Variants in LPXN observed in about 807,000 individuals in gnomAD.
LPXN encodes leupaxin.
Under a neutral mutation model 45.6 loss-of-function variants are expected in LPXN, and 28 were observed. The observed-to-expected ratio is 0.61, with a 90% confidence interval of 0.45 to 0.84. The LOEUF (loss-of-function observed/expected upper bound fraction) is 0.84, where lower values mean the gene tolerates loss of function less well. Ranked by LOEUF, LPXN falls within the 40% of genes least tolerant of loss-of-function variation. The pLI is 0.00. For synonymous variants in LPXN, 166 were observed against 169.9 expected, an observed-to-expected ratio of 0.98 and a Z score of 0.18; for missense variants, 459 against 475.0, an observed-to-expected ratio of 0.97 and a Z score of 0.31.
intron 1 of LPXN, among the ~76,000 whole-genome samples, chr11:58,572,067 T>G (rs1854720340): frequency 6.6e-6 from 1 of 152,210 alleles, no homozygotes; most frequent in Admixed American, 6.5e-5. Flanking sequence ...AAATTATGGC[T>G]CAATAATGCA....
upstream of LPXN, chr11:58,578,274 A>G (rs1353909173): frequency 8.6e-6 from 4 of 466,352 alleles, no homozygotes; most frequent in Non-Finnish European, 1.5e-5. Flanking sequence ...AAAAAGGTAA[A>G]CTCTAGACTG....
chr11:58,557,664 C>T (rs571357918), intron 3 of LPXN, among the ~76,000 whole-genome samples: 3 of 152,176 alleles, frequency 2.0e-5, no homozygotes, highest in South Asian at 2.1e-4. Context: ...GAAATTGTAT[C>T]GTATTTAGGA....
upstream of LPXN, chr11:58,577,970 A>G: frequency 6.5e-7 from 1 of 1,547,832 alleles, no homozygotes; most frequent in Non-Finnish European, 8.7e-7. Context: ...CCATGGAACC[A>G]GATTTAGTCG....
At chr11:58,572,446 G>A (rs1258037893) in intron 1 of LPXN, among the ~76,000 whole-genome samples, 1 of 151,992 alleles carries the variant, frequency 6.6e-6, no homozygotes, top group African/African-American at 2.4e-5. Flanking sequence ...GGGACCCTAT[G>A]GCATTAAAAA....
chr11:58,535,921 A>G (rs1466913611), intron 7 of LPXN, among the ~76,000 whole-genome samples: 2 of 152,256 alleles, frequency 1.3e-5, no homozygotes, highest in Non-Finnish European at 2.9e-5. Context: ...ATTGCTATAC[A>G]GAATTAAATA....
In LPXN at chr11:58,575,844, C is replaced by A; in HGVS notation, c.-72G>T. Reference sequence around the variant, plus strand: ...CTTTGGCATGTGCTGAAGAAGAGGACCGCAAAGGAACTGGATGAGACAGCA... The same window carrying A: ...CTTTGGCATGTGCTGAAGAAGAGGAACGCAAAGGAACTGGATGAGACAGCA... On this transcript the variant is annotated 5_prime_UTR_variant, in exon 1 of 9. Transcript: ENST00000395074. 1 of 1,614,052 alleles carries A rather than the reference C, an allele frequency of 6.2e-7. No individual in the cohort carries two copies. Among genetic ancestry groups the A allele is most frequent in the Admixed American group, 1.7e-5 (1 of 60,026 alleles).
At chr11:58,553,658 C>T (rs1854117562) in intron 4 of LPXN, among the ~76,000 whole-genome samples, 1 of 152,144 alleles carries the variant, frequency 6.6e-6, no homozygotes, top group African/African-American at 2.4e-5. Flanking sequence ...GGTCCCTGCC[C>T]TCTCCAATCA....
At chr11:58,553,912 C>T (rs1854124154) in intron 4 of LPXN, 1 of 152,324 alleles carries the variant, frequency 6.6e-6, no homozygotes, top group Non-Finnish European at 1.5e-5. Context: ...TCAATATGGG[C>T]TTGGGACTTC....
intron 7 of LPXN, among the ~76,000 whole-genome samples, chr11:58,536,918 C>G (rs539477856): frequency 6.6e-6 from 1 of 151,986 alleles, no homozygotes; most frequent in Non-Finnish European, 1.5e-5. Flanking sequence ...AAAAGCTCAT[C>G]ATCACTGGTC....
chr11:58,539,324 A>G (rs1343049415), intron 7 of LPXN, among the ~76,000 whole-genome samples: 1 of 152,160 alleles, frequency 6.6e-6, no homozygotes, highest in Non-Finnish European at 1.5e-5. Context: ...AAATTTAAAA[A>G]CCTTAAAAAG....
In LPXN at chr11:58,528,102, A is replaced by G. The variant is rs1853280789; in HGVS notation, c.832T>C (p.Leu278=). The G allele has an allele frequency of 3.1e-6, 5 of 1,614,230 alleles. No individual in the cohort carries two copies. Among genetic ancestry groups the G allele is most frequent in the Non-Finnish European group, 3.4e-6 (4 of 1,180,036 alleles). Residue 278 remains leucine, a synonymous_variant, in exon 8 of 9, where the codon TTG becomes CTG. Coordinates refer to ENST00000395074, the MANE Select transcript of LPXN (RefSeq NM_004811.3). ...TCCATGGCTGAAAGGTAGTTTTCCA[A>G]CACTGGGCGATTGCAGCCACCACAC... The part of the protein sequence containing the change: ...PKCGGCNRPV[L]ENYLSAMDTV...
At chr11:58,552,131 T>A (rs574184191) in intron 4 of LPXN, among the ~76,000 whole-genome samples, 2 of 152,132 alleles carry the variant, frequency 1.3e-5, no homozygotes, top group Admixed American at 6.5e-5. Context: ...CTGTGGTAGC[T>A]GAGTGGAGAA....
chr11:58,550,257 G>A (rs959821522), intron 5 of LPXN, 111 bp from the exon 6 acceptor site: 63 of 1,003,856 alleles, frequency 6.3e-5, no homozygotes, highest in Admixed American at 1.9e-4. Context: ...TAGACAACAC[G>A]CCCTGGAATT....
chr11:58,577,135 C>A (rs977086422), upstream of LPXN, among the ~76,000 whole-genome samples: 2 of 151,900 alleles, frequency 1.3e-5, no homozygotes, highest in African/African-American at 4.8e-5. Context: ...TTCTCCATTC[C>A]ACTGTCTGTA....
intron 3 of LPXN, among the ~76,000 whole-genome samples, chr11:58,560,505 G>A (rs1452893816): frequency 6.6e-6 from 1 of 152,128 alleles, no homozygotes; most frequent in Non-Finnish European, 1.5e-5. Context: ...CTATGATTGT[G>A]TGTAATTTTA....
chr11:58,532,116 G>GGGTC (rs913142149), intron 7 of LPXN, among the ~76,000 whole-genome samples: 6 of 152,228 alleles, frequency 3.9e-5, no homozygotes, highest in African/African-American at 1.4e-4. Flanking sequence ...AGGGTGCACT[G>GGGTC]GGTCCCCTAG....
At chr11:58,577,847 TG>T, upstream of LPXN, 1 of 648,980 alleles carries the variant, frequency 1.5e-6, no homozygotes, top group South Asian at 2.1e-5. Flanking sequence ...GCCGGCTCCT[TG>T]GTGTCCCAAC....
intron 7 of LPXN, among the ~76,000 whole-genome samples, chr11:58,546,816 A>C (rs977509871): frequency 2.6e-5 from 4 of 152,218 alleles, no homozygotes; most frequent in Admixed American, 6.5e-5. Flanking sequence ...TTCCAAATTG[A>C]ACTGCAAAAC....
chr11:58,578,517 C>G (rs572618483), upstream of LPXN, among the ~76,000 whole-genome samples: 4 of 152,310 alleles, frequency 2.6e-5, no homozygotes, highest in East Asian at 7.7e-4. Context: ...CATCCGGCAA[C>G]CGACGGGGCT....
Sources: allele counts gnomAD v4.1 joint callset (sites outside exome capture counted in the v4.1 genomes callset), GRCh38; gene constraint gnomAD v4.1.1; transcripts MANE v1.5; gene names NCBI Gene and HGNC (gene_info 2026-07-23, HGNC 2026-07-21).